SGIP1: variants seen among roughly 807,000 people sequenced by gnomAD.
SGIP1 encodes the protein SH3-containing GRB2-like protein 3-interacting protein 1.
Under a neutral mutation model 107.5 loss-of-function variants are expected in SGIP1, and 38 were observed. That is an observed-to-expected ratio of 0.35 (90% CI 0.27 to 0.46). SGIP1 has a LOEUF of 0.46. Among genes scored for constraint, SGIP1 ranks in the 20% least tolerant of loss-of-function variants. SGIP1 has a pLI of 1.00. For synonymous variants in SGIP1, 365 were observed against 366.1 expected, an observed-to-expected ratio of 1.00 and a Z score of 0.03; for missense variants, 929 against 1,019.5, an observed-to-expected ratio of 0.91 and a Z score of 1.21.
chr1:66,696,883 C>A (rs150733939), intron 18 of SGIP1, among the ~76,000 whole-genome samples: 7 of 152,190 alleles, frequency 4.6e-5, no homozygotes, highest in African/African-American at 1.7e-4. Flanking sequence ...GTATTTTTTA[C>A]TAATCAGCAT....
intron 19 of SGIP1, among the ~76,000 whole-genome samples, chr1:66,719,825 C>T (rs923094630): frequency 1.4e-4 from 21 of 152,210 alleles, no homozygotes; most frequent in East Asian, 3.9e-4. Context: ...ATTAAAACAA[C>T]GGTTCACTGG....
intron 1 of SGIP1, among the ~76,000 whole-genome samples, chr1:66,613,932 G>T (rs960972353): frequency 2.0e-5 from 3 of 152,176 alleles, no homozygotes; most frequent in African/African-American, 7.2e-5. Flanking sequence ...TGATTGAGAA[G>T]ATGAAGATAT....
Position 66,729,349 on chromosome 1 carries a change from G to A in SGIP1, c.1828G>A (p.Ala610Thr). 6.2e-7 allele frequency: 1 copy of A among 1,614,060 alleles called. No homozygotes were observed. Among genetic ancestry groups the A allele is most frequent in the Non-Finnish European group, 8.5e-7 (1 of 1,179,998 alleles). ...RHFANNPSPA[A>T]LTFRVINFSR... ...CTTTGCCAACAACCCGTCCCCAGCT[G>A]CTCTGACTTTTCGGGTGATAAATTT... The change falls in exon 20 of 25, where the codon GCT (alanine) becomes ACT (threonine). Residue 610 changes from alanine (A) to threonine (T), a missense_variant. Transcript: ENST00000371037.
chr1:66,706,515 TTA>T (rs2092530934), intron 18 of SGIP1, among the ~76,000 whole-genome samples: 1 of 149,124 alleles, frequency 6.7e-6, no homozygotes, highest in Non-Finnish European at 1.5e-5. Flanking sequence ...AATCTAAATA[TTA>T]TCTTTTCTCT....
intron 3 of SGIP1, 128 bp downstream of exon 3, chr1:66,633,222 A>G (rs1160574244): frequency 1.5e-6 from 1 of 680,286 alleles, no homozygotes; most frequent in Non-Finnish European, 2.6e-6. Flanking sequence ...ACCTCTCACT[A>G]TTGGAATTTT....
rs751743374 is a variant in SGIP1, at chr1:66,746,775, A to G, written c.*3680A>G. On this transcript the variant is annotated 3_prime_UTR_variant, in exon 25 of 25. Transcript: ENST00000371037. ...AATTGCTTTGTCCACCCTGAACAAA[A>G]CAATCTGTTTTATGTCACTATACGT... is the stretch of plus-strand genomic sequence containing the variant. 1 of 152,106 alleles carries G rather than the reference A, an allele frequency of 6.6e-6. No individual in the cohort carries two copies. Among genetic ancestry groups the G allele is most frequent in the South Asian group, 2.1e-4 (1 of 4,830 alleles). 9.4% of individuals were successfully genotyped at this position (152,106 alleles called of 1,614,324 possible). A position where few individuals can be genotyped will look rare whatever the true frequency, so the allele number is the denominator to read the frequency against.
chr1:66,678,355 G>T (rs1157502739), intron 13 of SGIP1, among the ~76,000 whole-genome samples: 1 of 152,192 alleles, frequency 6.6e-6, no homozygotes, highest in African/African-American at 2.4e-5. Flanking sequence ...TACGTGCTGT[G>T]GTTACACTTA....
intron 8 of SGIP1, among the ~76,000 whole-genome samples, chr1:66,662,007 T>C (rs532527847): frequency 6.6e-6 from 1 of 152,306 alleles, no homozygotes; most frequent in Non-Finnish European, 1.5e-5. Flanking sequence ...ATCTCAAATA[T>C]GTCTGATTGA....
At position 66,750,211 on chromosome 1, in the gene SGIP1, G is replaced by A. The variant is rs2150842403; in HGVS notation, c.*7116G>A. ...GGCCAAGCAGTAATGTATACAGCTG[G>A]CTTTTTAAGCTGTTTGAACACTATT... On this transcript the variant is annotated 3_prime_UTR_variant, in exon 25 of 25. Transcript: ENST00000371037. Among the ~76,000 whole-genome samples, 1 of 152,152 alleles carries A rather than the reference G, an allele frequency of 6.6e-6. No homozygotes were observed. Among genetic ancestry groups the A allele is most frequent in the African/African-American group, 2.4e-5 (1 of 41,526 alleles).
rs184780876 is a variant in SGIP1, at chr1:66,618,491, G to T, written c.11-7356G>T. On this transcript the variant is annotated intron_variant, in intron 1 of 24. Coordinates refer to ENST00000371037, the MANE Select transcript of SGIP1 (RefSeq NM_032291.4). ...ACATGTCTTCTGTGCACTAGGTACT[G>T]CAATAATCATCATGACCATTCTGAA... is the stretch of plus-strand genomic sequence containing the variant. 5.9e-5 allele frequency among the ~76,000 whole-genome samples: 9 copies of T among 152,298 alleles called. No individual in the cohort carries two copies. In the East Asian group the frequency reaches 1.7e-3, roughly 29 times the overall value.
At chr1:66,736,719 G>T (rs1252317716) in intron 21 of SGIP1, among the ~76,000 whole-genome samples, 1 of 151,022 alleles carries the variant, frequency 6.6e-6, no homozygotes, top group African/African-American at 2.4e-5. Flanking sequence ...GGACCTAGCA[G>T]ATATATATAT....
intron 6 of SGIP1, among the ~76,000 whole-genome samples, chr1:66,643,226 A>G (rs1467692121): frequency 6.6e-6 from 1 of 152,176 alleles, no homozygotes; most frequent in East Asian, 1.9e-4. Flanking sequence ...GATCATTCAT[A>G]AAGCAGCCTT....
At chr1:66,660,260 G>A in intron 7 of SGIP1, 1 of 468,502 alleles carries the variant, frequency 2.1e-6, no homozygotes. Flanking sequence ...AGGAAGGAAG[G>A]GAGGAAAGAG....
chr1:66,591,934 G>A (rs2063707414), intron 1 of SGIP1, among the ~76,000 whole-genome samples: 1 of 152,172 alleles, frequency 6.6e-6, no homozygotes, highest in Admixed American at 6.5e-5. Flanking sequence ...TTTTAGTGCA[G>A]TAAAGAGCAG....
intron 1 of SGIP1, among the ~76,000 whole-genome samples, chr1:66,618,203 A>C (rs1443086938): frequency 6.6e-6 from 1 of 152,206 alleles, no homozygotes; most frequent in African/African-American, 2.4e-5. Flanking sequence ...TTCCCACCTA[A>C]AATGTAATGT....
chr1:66,706,093 A>G (rs2092479363), intron 18 of SGIP1, among the ~76,000 whole-genome samples: 1 of 151,968 alleles, frequency 6.6e-6, no homozygotes, highest in Non-Finnish European at 1.5e-5. Context: ...ATATTAAAAC[A>G]AAAACAAAAC....
rs549167770 is a variant in SGIP1 at position 66,640,162 on chromosome 1, A to G, written c.228+329A>G. ...GCCTAGGGAAGCCAAAAGATTGGAC[A>G]CCCTGATCTAGCCCCCACACATATC... On this transcript the variant is annotated intron_variant, in intron 5 of 24. Coordinates refer to ENST00000371037, the MANE Select transcript of SGIP1 (RefSeq NM_032291.4). Among the ~76,000 whole-genome samples the G allele has an allele frequency of 2.0e-5, 3 of 152,284 alleles. No homozygotes were observed. The East Asian group carries it at 5.8e-4, about 29-fold the overall frequency.
At chr1:66,697,227 G>A (rs1423889107) in intron 18 of SGIP1, among the ~76,000 whole-genome samples, 1 of 152,084 alleles carries the variant, frequency 6.6e-6, no homozygotes, top group Non-Finnish European at 1.5e-5. Context: ...TGTCTGTTTT[G>A]AAAATACATA....
In SGIP1 at chr1:66,671,951, A is replaced by T. The variant is rs762373849; in HGVS notation, c.516A>T (p.Glu172Asp). ...GAIKRNLSSE[E>D]VARPRRSTPT... ...CTTTGTCCTGTGCATCAGGTGAAGA[A>T]GTGGCAAGACCCAGGCGTTCCACAC... The change falls in exon 11 of 25, where the codon GAA (glutamate) becomes GAT (aspartate). Residue 172 changes from glutamate (E) to aspartate (D), a missense_variant. Transcript: ENST00000371037. The T allele has an allele frequency of 1.2e-6, 2 of 1,614,080 alleles. No homozygotes were observed. The highest frequency in any genetic ancestry group is 2.2e-5 in the East Asian group (1 of 44,880).
Sources: gnomAD v4.1 joint callset for allele counts (sites outside exome capture counted in the v4.1 genomes callset) on GRCh38, gnomAD v4.1.1 for gene constraint, MANE v1.5 for transcripts, NCBI Gene and HGNC (gene_info 2026-07-23, HGNC 2026-07-21) for gene names.